The following TNFSF13B variants were observed in gnomAD, a reference collection of about 807,000 sequenced individuals.
TNFSF13B encodes the protein tumor necrosis factor ligand superfamily member 13B.
TNFSF13B carries 8 observed loss-of-function variants against 29.1 expected under a neutral mutation model. The observed-to-expected ratio is 0.27, with a 90% CI of 0.16 to 0.50. TNFSF13B has a LOEUF of 0.50. Among genes scored for constraint, TNFSF13B ranks in the 20% least tolerant of loss-of-function variants. The pLI is 0.98. For synonymous variants in TNFSF13B, 125 were observed against 130.8 expected, an observed-to-expected ratio of 0.96 and a Z score of 0.30; for missense variants, 248 against 334.9, an observed-to-expected ratio of 0.74 and a Z score of 2.03.
intron 3 of TNFSF13B, among the ~76,000 whole-genome samples, chr13:108,289,978 G>A (rs1366424049): frequency 6.6e-6 from 1 of 152,158 alleles, no homozygotes; most frequent in East Asian, 1.9e-4. Context: ...CATGAAGAGT[G>A]TGGATTGCTC....
In TNFSF13B at chr13:108,298,123, T is replaced by A. The variant is rs1295937117; in HGVS notation, c.482-5130T>A. Among the ~76,000 whole-genome samples the A allele has an allele frequency of 1.4e-5, 2 of 145,336 alleles. 1 individual carries two copies. Among genetic ancestry groups the A allele is most frequent in the Non-Finnish European group, 3.1e-5 (2 of 65,396 alleles). The stretch of plus-strand genomic sequence containing the variant: ...TTTAGTAATAGCAATTTAAGTTTCC[T>A]TCATGATATATCAGTGTAGGTTTAT... On this transcript the variant is annotated intron_variant, in intron 3 of 5. Coordinates refer to ENST00000375887, the MANE Select transcript of TNFSF13B (RefSeq NM_006573.5).
At chr13:108,281,340 C>A (rs758068809) in intron 2 of TNFSF13B, among the ~76,000 whole-genome samples, 2 of 152,298 alleles carry the variant, frequency 1.3e-5, no homozygotes, top group African/African-American at 2.4e-5. Flanking sequence ...TCCTTTCCAA[C>A]ACCCGCTTCC....
At chr13:108,297,083 T>A (rs1881475764) in intron 3 of TNFSF13B, among the ~76,000 whole-genome samples, 1 of 145,682 alleles carries the variant, frequency 6.9e-6, no homozygotes, top group Admixed American at 6.8e-5. Flanking sequence ...TCTCACTTAG[T>A]GCTTTTTGTT....
rs1197618276 is a variant in TNFSF13B at position 108,297,228 on chromosome 13, T to C, written c.482-6025T>C. Among the ~76,000 whole-genome samples, 3 of 145,914 alleles carry C rather than the reference T, an allele frequency of 2.1e-5. 1 individual carries two copies. The highest frequency in any genetic ancestry group is 4.6e-5 in the Non-Finnish European group (3 of 65,612). On this transcript the variant is annotated intron_variant, in intron 3 of 5. Coordinates refer to ENST00000375887, the MANE Select transcript of TNFSF13B (RefSeq NM_006573.5). Reference sequence around the variant, plus strand: ...ATTTTCCCACATATAGAATACATGGTAGACAGTGTTTTTCATTCAGTACTT... The same window carrying C: ...ATTTTCCCACATATAGAATACATGGCAGACAGTGTTTTTCATTCAGTACTT...
Position 108,270,052 on chromosome 13 carries a change from C to A in TNFSF13B, c.157C>A (p.Leu53Met), listed in dbSNP as rs775229110. The A allele has an allele frequency of 6.2e-7, 1 of 1,609,850 alleles. No homozygotes were observed. Among genetic ancestry groups the A allele is most frequent in the Non-Finnish European group, 8.5e-7 (1 of 1,179,990 alleles). The change falls in exon 1 of 6, where the codon CTG (leucine) becomes ATG (methionine). Residue 53 changes from leucine (L) to methionine (M), a missense_variant. Leu to Met is a conservative substitution (Grantham distance 15). Transcript: ENST00000375887. Reference protein sequence around the residue: ...KDGKLLAATLLLALLSCCLTV... With the variant: ...KDGKLLAATLMLALLSCCLTV... The stretch of plus-strand genomic sequence containing the variant: ...CGGAAAGCTGCTGGCTGCAACCTTG[C>A]TGCTGGCACTGCTGTCTTGCTGCCT...
chr13:108,301,320 G>T (rs1881616439), intron 3 of TNFSF13B: 1 of 152,184 alleles, frequency 6.6e-6, no homozygotes, highest in Non-Finnish European at 1.5e-5. Context: ...TCGGAGTGGT[G>T]TGACCATAGA....
chr13:108,298,809 A>G (rs1881524592), intron 3 of TNFSF13B, among the ~76,000 whole-genome samples: 1 of 144,956 alleles, frequency 6.9e-6, no homozygotes, highest in Admixed American at 6.8e-5. Flanking sequence ...CCTCTCTACT[A>G]AAAATACAAA....
intron 2 of TNFSF13B, among the ~76,000 whole-genome samples, chr13:108,283,952 A>G (rs1335368400): frequency 6.6e-6 from 1 of 152,154 alleles, no homozygotes; most frequent in Non-Finnish European, 1.5e-5. Flanking sequence ...AGGTTTCAAC[A>G]TAGGAATTTG....
At position 108,298,936 on chromosome 13, in the gene TNFSF13B, C is replaced by T. The variant is rs948822023; in HGVS notation, c.482-4317C>T. 8.9e-5 allele frequency among the ~76,000 whole-genome samples: 13 copies of T among 145,602 alleles called. 1 individual carries two copies. The highest frequency in any genetic ancestry group is 2.0e-4 in the Non-Finnish European group (13 of 65,592). Reference sequence around the variant, plus strand: ...CAGTAAGCCAAGATGGCACCCCTGTCTCCAGCCTGGGCGACAGAGCAAGAC... The same window carrying T: ...CAGTAAGCCAAGATGGCACCCCTGTTTCCAGCCTGGGCGACAGAGCAAGAC... On this transcript the variant is annotated intron_variant, in intron 3 of 5. Coordinates refer to ENST00000375887, the MANE Select transcript of TNFSF13B (RefSeq NM_006573.5).
chr13:108,292,228 C>T (rs1233007701), intron 3 of TNFSF13B, among the ~76,000 whole-genome samples: 6 of 152,028 alleles, frequency 3.9e-5, no homozygotes, highest in African/African-American at 1.2e-4. Context: ...TCACACAATA[C>T]GTGACTTTTA....
chr13:108,283,145 GAGAA>G (rs1478782435), intron 2 of TNFSF13B, among the ~76,000 whole-genome samples: 1 of 152,220 alleles, frequency 6.6e-6, no homozygotes, highest in Admixed American at 6.5e-5. Context: ...TATGTTGAAT[GAGAA>G]AGAAAGTCTT....
At chr13:108,280,745 G>C (rs1317024642) in intron 2 of TNFSF13B, among the ~76,000 whole-genome samples, 1 of 150,562 alleles carries the variant, frequency 6.6e-6, no homozygotes. Context: ...TAGTGCCTAT[G>C]AGGCAATACA....
At chr13:108,276,310 TC>T (rs1374571839) in intron 2 of TNFSF13B, among the ~76,000 whole-genome samples, 1 of 152,200 alleles carries the variant, frequency 6.6e-6, no homozygotes, top group East Asian at 1.9e-4. Context: ...ATTTTTTCTT[TC>T]CCCCTGCTTC....
rs137977648 is a variant in TNFSF13B at position 108,279,026 on chromosome 13, T to G, written c.425-7777T>G. Among the ~76,000 whole-genome samples, 3 of 152,316 alleles carry G rather than the reference T, an allele frequency of 2.0e-5. No individual in the cohort carries two copies. The East Asian group carries it at 5.8e-4, about 29-fold the overall frequency. On this transcript the variant is annotated intron_variant, in intron 2 of 5. Coordinates refer to ENST00000375887, the MANE Select transcript of TNFSF13B (RefSeq NM_006573.5). ...ATAACTGAGGGTTCAAAGCCTATTA[T>G]GAGAGAGTCCACAATTCATGGAAAT...
At chr13:108,270,286 C>A in intron 1 of TNFSF13B, 52 bp downstream of exon 1, 1 of 1,612,960 alleles carries the variant, frequency 6.2e-7, no homozygotes, top group Non-Finnish European at 8.5e-7. Flanking sequence ...TACACTGCTG[C>A]CTCTCCCTCG....
At chr13:108,302,771 C>A in intron 3 of TNFSF13B, 1 of 978,128 alleles carries the variant, frequency 1.0e-6, no homozygotes, top group Non-Finnish European at 1.2e-6. Flanking sequence ...TTCTTTCTTC[C>A]GTAGGCTCCC....
intron 2 of TNFSF13B, among the ~76,000 whole-genome samples, chr13:108,271,430 C>T (rs1189436877): frequency 1.5e-5 from 2 of 132,774 alleles, no homozygotes; most frequent in African/African-American, 2.8e-5. Context: ...AGAGATAGAC[C>T]AGGGACCCTT....
Position 108,287,966 on chromosome 13 carries a change from A to G in TNFSF13B, c.481+1107A>G, listed in dbSNP as rs904187726. On this transcript the variant is annotated intron_variant, in intron 3 of 5. Coordinates refer to ENST00000375887, the MANE Select transcript of TNFSF13B (RefSeq NM_006573.5). ...CTTGAAATAAGAGTTTCAGTGTCGT[A>G]TAAGTTTGGAAACACAGCATCTTAC... is the stretch of plus-strand genomic sequence containing the variant. Among the ~76,000 whole-genome samples, 6 of 152,326 alleles carry G rather than the reference A, an allele frequency of 3.9e-5. No individual in the cohort carries two copies. In the East Asian group the frequency reaches 9.7e-4, roughly 25 times the overall value.
Position 108,303,302 on chromosome 13 carries a change from C to T in TNFSF13B, c.531C>T (p.Ala177=), listed in dbSNP as rs1881682487. ...TTCTCAGCTTTAAAAGGGGAAGTGC[C>T]CTAGAAGAAAAAGAGAATAAAATAT... is the stretch of plus-strand genomic sequence containing the variant. The part of the protein sequence containing the change: ...PWLLSFKRGS[A]LEEKENKILV... The change falls in exon 4 of 6, where the codon GCC becomes GCT. Residue 177 remains alanine (A), a synonymous_variant. Transcript: ENST00000375887. 1 of 1,613,074 alleles carries T rather than the reference C, an allele frequency of 6.2e-7. No individual in the cohort carries two copies. The highest frequency in any genetic ancestry group is 1.3e-5 in the African/African-American group (1 of 74,876).
Sources: allele counts gnomAD v4.1 joint callset (sites outside exome capture counted in the v4.1 genomes callset), GRCh38; gene constraint gnomAD v4.1.1; transcripts MANE v1.5; gene names NCBI Gene and HGNC (gene_info 2026-07-23, HGNC 2026-07-21).